The following ATXN1 variants were observed in gnomAD, a reference collection of about 807,000 sequenced individuals.
ATXN1 encodes ataxin-1.
Under a neutral mutation model 56.4 loss-of-function variants are expected in ATXN1, and 8 were observed. The ratio of observed to expected loss-of-function variants is 0.14; its 90% CI spans 0.08 to 0.26. The LOEUF (loss-of-function observed/expected upper bound fraction) is 0.26. Among genes scored for constraint, ATXN1 ranks in the 10% least tolerant of loss-of-function variants. The probability of loss-of-function intolerance (pLI) is 1.00; values close to 1 mark genes in which losing one functional copy is unlikely to be tolerated. For missense variants in ATXN1, 987 were observed against 1,106.5 expected, an observed-to-expected ratio of 0.89 and a Z score of 1.53; for synonymous variants, 514 against 494.6, an observed-to-expected ratio of 1.04 and a Z score of -0.52.
intron 4 of ATXN1, among the ~76,000 whole-genome samples, chr6:16,537,729 AAG>A (rs1201998581): frequency 1.4e-3 from 219 of 151,724 alleles, no homozygotes; most frequent in Non-Finnish European, 1.7e-3. Context: ...AAAAGAAAAA[AAG>A]AAAAAAAAAA....
intron 6 of ATXN1, among the ~76,000 whole-genome samples, chr6:16,432,136 CA>C (rs1759297589): frequency 6.6e-6 from 1 of 152,184 alleles, no homozygotes; most frequent in Non-Finnish European, 1.5e-5. Flanking sequence ...TCCCCTCCTC[CA>C]AAAGTATTTA....
chr6:16,333,046 G>A (rs113903902), intron 6 of ATXN1, among the ~76,000 whole-genome samples: 2 of 152,186 alleles, frequency 1.3e-5, no homozygotes, highest in African/African-American at 4.8e-5. Flanking sequence ...TCTTCCTAAT[G>A]GAGCAGGCAC....
intron 4 of ATXN1, among the ~76,000 whole-genome samples, chr6:16,528,318 G>A (rs199780797): frequency 4.1e-3 from 593 of 145,292 alleles, no homozygotes; most frequent in Middle Eastern, 0.011. Context: ...AAAAAAAAAA[G>A]AAAAACACTA....
intron 6 of ATXN1, among the ~76,000 whole-genome samples, chr6:16,348,978 C>G (rs1484746167): frequency 6.6e-6 from 1 of 152,170 alleles, no homozygotes; most frequent in Non-Finnish European, 1.5e-5. Context: ...AAGTACTAAC[C>G]AGGCCTAACT....
At chr6:16,313,218 C>T (rs892316431) in intron 7 of ATXN1, among the ~76,000 whole-genome samples, 5 of 152,168 alleles carry the variant, frequency 3.3e-5, no homozygotes, top group African/African-American at 1.2e-4. Context: ...ATCATCTTCT[C>T]AATTTCTCTG....
chr6:16,327,194 G>A lies in ATXN1; in HGVS notation c.1117C>T (p.Arg373Cys), dbSNP rs753249607. 4.8e-5 allele frequency: 77 copies of A among 1,613,856 alleles called. No homozygotes were observed. The highest frequency in any genetic ancestry group is 1.2e-4 in the Admixed American group (7 of 60,012). ...VHPSPSDYSS[R>C]DPSGVRASVM... ...GAGGCCCGGACCCCCGAAGGATCAC[G>A]ACTGCTGTAGTCTGAGGGGCTCGGG... The change falls in exon 7 of 8, where the codon CGT becomes TGT. Residue 373 changes from arginine to cysteine, a missense_variant. Around this residue, in one of 3 missense-constraint regions of ATXN1, gnomAD observed 723 missense variants for 791.7 expected, o/e 0.91. Coordinates refer to ENST00000436367, the MANE Select transcript of ATXN1 (RefSeq NM_001128164.2).
chr6:16,602,483 G>C (rs372049307), intron 3 of ATXN1, among the ~76,000 whole-genome samples: 1 of 146,400 alleles, frequency 6.8e-6, no homozygotes, highest in African/African-American at 2.5e-5. Context: ...ATGGAGTCTC[G>C]CTCTGTGACC....
chr6:16,341,203 T>C (rs1761238228), intron 6 of ATXN1, among the ~76,000 whole-genome samples: 1 of 152,232 alleles, frequency 6.6e-6, no homozygotes, highest in Admixed American at 6.5e-5. Flanking sequence ...CACATGTACC[T>C]GGGACACTAC....
intron 3 of ATXN1, among the ~76,000 whole-genome samples, chr6:16,593,858 CAT>C (rs58000476): frequency 0.012 from 1,659 of 143,426 alleles, 21 homozygotes; most frequent in African/African-American, 0.025. Context: ...TGTGTGTGTG[CAT>C]ATATATATAT....
intron 4 of ATXN1, among the ~76,000 whole-genome samples, chr6:16,574,971 G>A (rs7751517): frequency 0.067 from 10,101 of 151,400 alleles, 1,053 homozygotes; most frequent in African/African-American, 0.23. Context: ...TTATTTTTTC[G>A]AATGTCCTTC....
rs1396135346 is a variant in ATXN1, at chr6:16,301,181, T to C, written c.*5148A>G. On this transcript the variant is annotated 3_prime_UTR_variant, in exon 8 of 8. Transcript: ENST00000436367. Reference sequence around the variant, plus strand: ...AATCATTTCGACATTCATTTTTCTTTTGTGCAATTTTTTAAAACATTACCT... The same window carrying C: ...AATCATTTCGACATTCATTTTTCTTCTGTGCAATTTTTTAAAACATTACCT... 6.6e-6 allele frequency: 1 copy of C among 152,632 alleles called. No homozygotes were observed. The highest frequency in any genetic ancestry group is 1.5e-5 in the Non-Finnish European group (1 of 68,036). The allele number at this position is 152,632 out of a possible 1,614,324, so 9.5% of individuals were successfully genotyped here. A position where few individuals can be genotyped will look rare whatever the true frequency, so the allele number is the denominator to read the frequency against.
At chr6:16,314,350 G>A (rs1237881665) in intron 7 of ATXN1, among the ~76,000 whole-genome samples, 1 of 152,120 alleles carries the variant, frequency 6.6e-6, no homozygotes, top group African/African-American at 2.4e-5. Flanking sequence ...ATCATTAACC[G>A]TTAATGAAGA....
chr6:16,628,497 T>C (rs1282992318), intron 3 of ATXN1, among the ~76,000 whole-genome samples: 1 of 152,232 alleles, frequency 6.6e-6, no homozygotes, highest in Non-Finnish European at 1.5e-5. Context: ...CAGGGGTACA[T>C]GTGCAGGTTT....
chr6:16,553,496 T>A (rs900110087), intron 4 of ATXN1, among the ~76,000 whole-genome samples: 2 of 152,190 alleles, frequency 1.3e-5, no homozygotes, highest in African/African-American at 4.8e-5. Context: ...ATATGTTCTA[T>A]CCACTCTCCT....
chr6:16,700,711 C>A (rs955587690), intron 2 of ATXN1, among the ~76,000 whole-genome samples: 1 of 152,056 alleles, frequency 6.6e-6, no homozygotes, highest in Non-Finnish European at 1.5e-5. Context: ...AAACTGCTCA[C>A]CGATGGGAAT....
chr6:16,355,535 C>G (rs1761667487), intron 6 of ATXN1, among the ~76,000 whole-genome samples: 1 of 151,076 alleles, frequency 6.6e-6, no homozygotes, highest in Non-Finnish European at 1.5e-5. Context: ...CAATCTTCCC[C>G]TTCCTGCAGG....
intron 4 of ATXN1, among the ~76,000 whole-genome samples, chr6:16,534,652 G>A (rs1347199430): frequency 6.6e-6 from 1 of 151,936 alleles, no homozygotes; most frequent in East Asian, 1.9e-4. Context: ...TACACCACTG[G>A]TCCATTTCCT....
rs1019682616 is a variant in ATXN1 at position 16,506,447 on chromosome 6, A to C, written c.-299+16180T>G. Among the ~76,000 whole-genome samples, 2 of 152,210 alleles carry C rather than the reference A, an allele frequency of 1.3e-5. No homozygotes were observed. The highest frequency in any genetic ancestry group is 2.4e-5 in the African/African-American group (1 of 41,452). The stretch of plus-strand genomic sequence containing the variant: ...TCCAGAAAATAAGACATTCTGATGG[A>C]GATCAGGCCACAAGACAGTAGTTCA... On this transcript the variant is annotated intron_variant, in intron 5 of 7. Transcript: ENST00000436367. The surrounding 1 kb of genome is among the most constrained non-coding windows in gnomAD (Gnocchi z 4.1).
At chr6:16,548,943 T>C (rs1761865630) in intron 4 of ATXN1, among the ~76,000 whole-genome samples, 1 of 151,960 alleles carries the variant, frequency 6.6e-6, no homozygotes, top group South Asian at 2.1e-4. Flanking sequence ...AATACATAAA[T>C]AGCAAACAAA....
Sources: gnomAD v4.1 joint callset for allele counts (sites outside exome capture counted in the v4.1 genomes callset) on GRCh38, gnomAD v4.1.1 for gene constraint, gnomAD v4.1.1 regional missense constraint, Gnocchi (gnomAD v3.1) non-coding constraint, MANE v1.5 for transcripts, NCBI Gene and HGNC (gene_info 2026-07-23, HGNC 2026-07-21) for gene names.